Variants in BCORL1 observed in about 807,000 individuals in gnomAD.
BCORL1 encodes BCL6 corepressor like 1, also known as BCL-6 corepressor-like protein 1.
In BCORL1, 7 loss-of-function variants were observed where a neutral mutation model predicts 87.6. That is an observed-to-expected ratio of 0.08 (90% CI 0.05 to 0.15). The LOEUF is 0.15. Ranked by LOEUF, BCORL1 falls within the 10% of genes least tolerant of loss-of-function variation. The probability of loss-of-function intolerance (pLI) is 1.00; values close to 1 mark genes in which losing one functional copy is unlikely to be tolerated. For missense variants in BCORL1, 1,215 were observed against 1,499.7 expected, an observed-to-expected ratio of 0.81 and a Z score of 3.13; for synonymous variants, 591 against 634.4, an observed-to-expected ratio of 0.93 and a Z score of 1.03.
intron 1 of BCORL1, among the ~76,000 whole-genome samples, chrX:129,997,986 CAT>C (rs754498901): frequency 2.9e-4 from 28 of 95,929 alleles, no homozygotes; most frequent in East Asian, 1.6e-3. Context: ...TGAAGTTTTA[CAT>C]ATATATATAT....
At chrX:130,053,118 G>A (rs938935235) in intron 13 of BCORL1, among the ~76,000 whole-genome samples, 2 of 112,068 alleles carry the variant, frequency 1.8e-5, no homozygotes, top group African/African-American at 3.2e-5. Context: ...CAGCCTGGGC[G>A]ACAGAGTGAG....
intron 1 of BCORL1, among the ~76,000 whole-genome samples, chrX:130,001,280 G>C (rs1356696475): frequency 9.0e-6 from 1 of 111,392 alleles, no homozygotes; most frequent in Non-Finnish European, 1.9e-5. Flanking sequence ...ATAGAGATGG[G>C]GTTTCCCCAT....
In BCORL1 at chrX:130,056,013, G is replaced by T; in HGVS notation, c.5235G>T (p.Arg1745Ser). The change falls in exon 14 of 14, where the codon AGG (arginine) becomes AGT (serine). Residue 1745 changes from arginine to serine, a missense_variant. Transcript: ENST00000540052. ...GTCAGCTGCTGACCCCTGCCGAGAG[G>T]CCTGGAGGCTTGGACGACAGATCCC... The part of the protein sequence containing the change: ...ASSQLLTPAE[R>S]PGGLDDRSPP... The T allele has an allele frequency of 8.2e-7, 1 of 1,212,319 alleles. No individual in the cohort carries two copies. The highest frequency in any genetic ancestry group is 1.1e-6 in the Non-Finnish European group (1 of 895,628).
At chrX:129,992,913 A>C (rs1650482964) in intron 1 of BCORL1, among the ~76,000 whole-genome samples, 1 of 110,819 alleles carries the variant, frequency 9.0e-6, no homozygotes, top group African/African-American at 3.3e-5. Flanking sequence ...TGAAATGGAG[A>C]CACCAGAGGG....
intron 1 of BCORL1, among the ~76,000 whole-genome samples, chrX:130,003,378 T>TC (rs1303027487): frequency 1.9e-5 from 2 of 107,300 alleles, no homozygotes; most frequent in African/African-American, 6.8e-5. Flanking sequence ...CTTCTTCTTT[T>TC]TTTTTTTTTT....
chrX:130,051,024 A>G (rs962162052), intron 12 of BCORL1, among the ~76,000 whole-genome samples: 1 of 111,560 alleles, frequency 9.0e-6, no homozygotes, highest in African/African-American at 3.3e-5. Flanking sequence ...CACCCTGGGC[A>G]TTTAAAAAAT....
In BCORL1 at chrX:130,056,023, T is replaced by G; in HGVS notation, c.5245T>G (p.Leu1749Val). 2 of 1,212,144 alleles carry G rather than the reference T, an allele frequency of 1.6e-6. No homozygotes were observed. The highest frequency in any genetic ancestry group is 2.2e-5 in the Admixed American group (1 of 46,112). The part of the protein sequence containing the change: ...LLTPAERPGG[L>V]DDRSPPGSSE... ...GACCCCTGCCGAGAGGCCTGGAGGCTTGGACGACAGATCCCCCCCAGGCTC... is the reference window on the plus strand; with the variant it reads ...GACCCCTGCCGAGAGGCCTGGAGGCGTGGACGACAGATCCCCCCCAGGCTC... The change falls in exon 14 of 14, where the codon TTG (leucine) becomes GTG (valine). Residue 1749 changes from leucine to valine, a missense_variant. By Grantham distance (32) the Leu-to-Val change is conservative. Around this residue, in one of 5 missense-constraint regions of BCORL1, gnomAD observed 129 missense variants for 157.5 expected, o/e 0.82. Transcript: ENST00000540052.
In BCORL1 at chrX:130,015,300, C is replaced by T; in HGVS notation, c.2528C>T (p.Ser843Phe). The T allele has an allele frequency of 8.3e-7, 1 of 1,211,896 alleles. No individual in the cohort carries two copies. The highest frequency in any genetic ancestry group is 1.1e-6 in the Non-Finnish European group (1 of 895,593). ...CCGTACCACCAGGCGTCTCTGCTTT[C>T]CATTGGCATTTCCAGTGCCGGGCAG... ...WSPYHQASLL[S>F]IGISSAGQLT... The change falls in exon 4 of 14, where the codon TCC becomes TTC. Residue 843 changes from serine to phenylalanine, a missense_variant. By Grantham distance (155) the Ser-to-Phe change is radical. Around this residue, in one of 5 missense-constraint regions of BCORL1, gnomAD observed 861 missense variants for 1,010.0 expected, o/e 0.85. Transcript: ENST00000540052.
intron 12 of BCORL1, 118 bp downstream of exon 12, chrX:130,050,912 T>TGAACCC (rs1204511569): frequency 2.4e-5 from 14 of 587,845 alleles, no homozygotes; most frequent in Non-Finnish European, 3.6e-5. Context: ...AACCTGAACC[T>TGAACCC]GAACCCATCC....
chrX:130,045,240 G>GT (rs771595831), intron 11 of BCORL1, among the ~76,000 whole-genome samples: 1 of 112,275 alleles, frequency 8.9e-6, no homozygotes, highest in South Asian at 3.7e-4. Context: ...AAACAGACTT[G>GT]TTTTTCCTCG....
chrX:130,028,908 GTCAGAGGA>G, intron 8 of BCORL1, 47 bp downstream of exon 8: 1 of 288,064 alleles, frequency 3.5e-6, no homozygotes, highest in Non-Finnish European at 6.2e-6. Flanking sequence ...GTGGCGGGGG[GTCAGAGGA>G]GGCAGGAGGG....
chrX:129,985,333 T>G, intron 1 of BCORL1, among the ~76,000 whole-genome samples: 1 of 111,523 alleles, frequency 9.0e-6, no homozygotes. Flanking sequence ...TGAGGGAGCT[T>G]TATTTTGGGG....
chrX:130,014,264 G>A lies in BCORL1; in HGVS notation c.1492G>A (p.Glu498Lys). The change falls in exon 4 of 14, where the codon GAG becomes AAG. Residue 498 changes from glutamate (E) to lysine (K), a missense_variant. By Grantham distance (56) the Glu-to-Lys change is moderately conservative. Transcript: ENST00000540052. ...TCTCCCAGGCGTGCTAGCCTCCCCCGAGCTCCGTTCTTACCCGTATGCATT... is the reference window on the plus strand; with the variant it reads ...TCTCCCAGGCGTGCTAGCCTCCCCCAAGCTCCGTTCTTACCCGTATGCATT... ...RCLPGVLASP[E>K]LRSYPYAFSV... The A allele has an allele frequency of 2.5e-6, 3 of 1,210,657 alleles. No individual in the cohort carries two copies. The highest frequency in any genetic ancestry group is 3.4e-6 in the Non-Finnish European group (3 of 895,300).
At chrX:130,053,423 CG>C (rs1271614277) in intron 13 of BCORL1, among the ~76,000 whole-genome samples, 1 of 111,213 alleles carries the variant, frequency 9.0e-6, no homozygotes, top group Non-Finnish European at 1.9e-5. Flanking sequence ...GAGGACAGGG[CG>C]GGGCCTCTGG....
intron 1 of BCORL1, among the ~76,000 whole-genome samples, chrX:129,991,412 G>A (rs149135835): frequency 3.2e-3 from 349 of 110,727 alleles, no homozygotes; most frequent in East Asian, 0.01. Flanking sequence ...GAGCCACTGC[G>A]CCTAGTCTAT....
At chrX:129,998,132 G>C (rs1397157215) in intron 1 of BCORL1, among the ~76,000 whole-genome samples, 1 of 110,570 alleles carries the variant, frequency 9.0e-6, no homozygotes, top group Non-Finnish European at 1.9e-5. Context: ...GCTCACAGTG[G>C]TTCCTCTGCC....
At chrX:130,041,993 T>C (rs1931363000) in intron 11 of BCORL1, among the ~76,000 whole-genome samples, 1 of 111,791 alleles carries the variant, frequency 8.9e-6, no homozygotes, top group African/African-American at 3.2e-5. Flanking sequence ...TGTACGTATA[T>C]GTGTTTATAT....
chrX:130,012,639 G>A lies in BCORL1; in HGVS notation c.148G>A (p.Glu50Lys), dbSNP rs1411048676. 1 of 1,211,541 alleles carries A rather than the reference G, an allele frequency of 8.3e-7. No homozygotes were observed. The highest frequency in any genetic ancestry group is 3.0e-5 in the East Asian group (1 of 33,858). ...CGACTGCCAGCACTTTGGATCTCAG[G>A]AGTTTTGTGTCAGCAGCAGTTTTTC... is the stretch of plus-strand genomic sequence containing the variant. ...TGDCQHFGSQ[E>K]FCVSSSFSKV... The change falls in exon 3 of 14, where the codon GAG becomes AAG. Residue 50 changes from glutamate (E) to lysine (K), a missense_variant. Around this residue, in one of 5 missense-constraint regions of BCORL1, gnomAD observed 861 missense variants for 1,010.0 expected, o/e 0.85. Coordinates refer to ENST00000540052, the MANE Select transcript of BCORL1 (RefSeq NM_001379451.1).
chrX:130,042,084 T>C (rs1264680158), intron 11 of BCORL1, among the ~76,000 whole-genome samples: 1 of 110,351 alleles, frequency 9.1e-6, no homozygotes, highest in African/African-American at 3.3e-5. Flanking sequence ...AGCACCTTTA[T>C]TTAGATTTGT....
Sources: gnomAD v4.1 joint callset for allele counts (sites outside exome capture counted in the v4.1 genomes callset) on GRCh38, gnomAD v4.1.1 for gene constraint, gnomAD v4.1.1 regional missense constraint, MANE v1.5 for transcripts, NCBI Gene and HGNC (gene_info 2026-07-23, HGNC 2026-07-21) for gene names.